The following KAZN variants were observed in gnomAD, a reference collection of about 807,000 sequenced individuals.
KAZN encodes kazrin.
In KAZN, 40 loss-of-function variants were observed where a neutral mutation model predicts 87.4. The observed-to-expected ratio is 0.46, with a 90% confidence interval of 0.36 to 0.60. KAZN has a LOEUF of 0.60. KAZN is among the 20% of genes least tolerant of loss of function. The pLI is 0.00. For synonymous variants in KAZN, 466 were observed against 458.3 expected, an observed-to-expected ratio of 1.02 and a Z score of -0.22; for missense variants, 898 against 1,073.9, an observed-to-expected ratio of 0.84 and a Z score of 2.29.
At chr1:14,465,099 G>A (rs1047065098) in intron 2 of KAZN, among the ~76,000 whole-genome samples, 3 of 151,978 alleles carry the variant, frequency 2.0e-5, no homozygotes, top group African/African-American at 4.8e-5. Context: ...GGCACGGATG[G>A]TCCAAGACAG....
chr1:14,603,775 A>G (rs1433023905), intron 1 of KAZN, among the ~76,000 whole-genome samples: 1 of 152,082 alleles, frequency 6.6e-6, no homozygotes, highest in Non-Finnish European at 1.5e-5. Context: ...GGCACTTTTT[A>G]GGAATCCTAT....
intron 2 of KAZN, among the ~76,000 whole-genome samples, chr1:14,428,549 T>G (rs1665871294): frequency 6.6e-6 from 1 of 152,216 alleles, no homozygotes; most frequent in African/African-American, 2.4e-5. Flanking sequence ...ATTATATGTA[T>G]TAGTCCATTC....
At chr1:14,044,188 C>T (rs1641961198) in intron 1 of KAZN, among the ~76,000 whole-genome samples, 1 of 152,130 alleles carries the variant, frequency 6.6e-6, no homozygotes, top group Admixed American at 6.5e-5. Context: ...CCCACCAATA[C>T]TGTGTTTCTG....
At chr1:14,123,812 C>T (rs1199876054) in intron 1 of KAZN, among the ~76,000 whole-genome samples, 1 of 152,096 alleles carries the variant, frequency 6.6e-6, no homozygotes, top group East Asian at 1.9e-4. Context: ...GTCAAACACA[C>T]ACCCCTGGTC....
At chr1:14,547,186 A>G (rs1289041896) in intron 2 of KAZN, among the ~76,000 whole-genome samples, 1 of 152,154 alleles carries the variant, frequency 6.6e-6, no homozygotes, top group Non-Finnish European at 1.5e-5. Context: ...GAATAGAATG[A>G]CATTTTTTTT....
intron 1 of KAZN, among the ~76,000 whole-genome samples, chr1:13,963,452 G>C (rs16853276): frequency 0.028 from 4,219 of 152,210 alleles, 187 homozygotes; most frequent in African/African-American, 0.096. Flanking sequence ...TCCTCACATG[G>C]ATAGTGATTC....
intron 2 of KAZN, among the ~76,000 whole-genome samples, chr1:14,214,883 C>T (rs1487457684): frequency 6.6e-6 from 1 of 152,318 alleles, no homozygotes; most frequent in East Asian, 1.9e-4. Flanking sequence ...GACACAGCCC[C>T]TATCCTCAAG....
chr1:14,082,081 G>A (rs1376522172), intron 1 of KAZN, among the ~76,000 whole-genome samples: 1 of 152,090 alleles, frequency 6.6e-6, no homozygotes, highest in African/African-American at 2.4e-5. Flanking sequence ...AGCCCACTCT[G>A]TTCCTTCTAG....
At chr1:14,021,160 C>T (rs530406844) in intron 1 of KAZN, among the ~76,000 whole-genome samples, 5 of 152,324 alleles carry the variant, frequency 3.3e-5, no homozygotes, top group African/African-American at 9.6e-5. Context: ...TGCTTAGCAG[C>T]ATCCTTGGCC....
chr1:14,851,608 A>AG (rs1649452682), intron 1 of KAZN, among the ~76,000 whole-genome samples: 1 of 152,188 alleles, frequency 6.6e-6, no homozygotes, highest in Admixed American at 6.5e-5. Context: ...GCTAGGAGTG[A>AG]GGCCTTCGGG....
In KAZN at chr1:14,628,526, A is replaced by G. The variant is rs566345637; in HGVS notation, c.226+29303A>G. ...GAGACATGAAATGCTTCAAATGTCA[A>G]AAGAGTTTTCATTTATTGTCCCAAG... On this transcript the variant is annotated intron_variant, in intron 1 of 14. Transcript: ENST00000376030. Among the ~76,000 whole-genome samples the G allele has an allele frequency of 5.2e-4, 80 of 152,382 alleles. 2 individuals are homozygous for G. In the South Asian group the frequency reaches 0.016, roughly 31 times the overall value.
chr1:14,982,669 C>G (rs1666378450), intron 2 of KAZN, among the ~76,000 whole-genome samples: 1 of 152,144 alleles, frequency 6.6e-6, no homozygotes, highest in Non-Finnish European at 1.5e-5. Context: ...TTGTAATCCA[C>G]TCACCTTGGC....
chr1:14,568,673 G>A (rs1674680853), intron 2 of KAZN, among the ~76,000 whole-genome samples: 1 of 152,140 alleles, frequency 6.6e-6, no homozygotes, highest in Non-Finnish European at 1.5e-5. Context: ...TTTGGGTGGG[G>A]ACACAGAGCC....
At chr1:14,344,422 GTTTC>G (rs1172385314) in intron 2 of KAZN, among the ~76,000 whole-genome samples, 1 of 151,674 alleles carries the variant, frequency 6.6e-6, no homozygotes, top group African/African-American at 2.4e-5. Context: ...AATTCCATCT[GTTTC>G]TTTTTTCCTT....
chr1:14,203,128 A>G (rs1295895356), intron 2 of KAZN, among the ~76,000 whole-genome samples: 2 of 152,072 alleles, frequency 1.3e-5, no homozygotes, highest in African/African-American at 4.8e-5. Context: ...AATAATAAGA[A>G]GCCTATCGTG....
chr1:14,823,425 T>A (rs577884405), intron 1 of KAZN, among the ~76,000 whole-genome samples: 2 of 150,972 alleles, frequency 1.3e-5, no homozygotes, highest in East Asian at 3.9e-4. Flanking sequence ...TTGAAGAGAG[T>A]AGATACAGAG....
chr1:14,753,312 A>T lies in KAZN; in HGVS notation c.226+154089A>T, dbSNP rs184131287. On this transcript the variant is annotated intron_variant, in intron 1 of 14. Transcript: ENST00000376030. The stretch of plus-strand genomic sequence containing the variant: ...GTTCTTTAGTGAGCACCTCCTGTTT[A>T]TGAGGAGAAACTAGGTTTACAAATG... Among the ~76,000 whole-genome samples the T allele has an allele frequency of 7.2e-3, 1,104 of 152,312 alleles. 3 individuals carry two copies. Among genetic ancestry groups the T allele is most frequent in the Non-Finnish European group, 0.012 (846 of 68,020 alleles).
At chr1:14,303,049 A>C (rs1654667681) in intron 2 of KAZN, among the ~76,000 whole-genome samples, 1 of 152,100 alleles carries the variant, frequency 6.6e-6, no homozygotes, top group Admixed American at 6.6e-5. Flanking sequence ...TAGCTCTTGA[A>C]GGTACATTTT....
At chr1:14,575,440 A>C (rs1675120781) in intron 2 of KAZN, among the ~76,000 whole-genome samples, 1 of 152,116 alleles carries the variant, frequency 6.6e-6, no homozygotes, top group Admixed American at 6.5e-5. Flanking sequence ...ATCTCATGAG[A>C]CTTATTCACT....
Sources: gnomAD v4.1 joint callset for allele counts (sites outside exome capture counted in the v4.1 genomes callset) on GRCh38, gnomAD v4.1.1 for gene constraint, MANE v1.5 for transcripts, NCBI Gene and HGNC (gene_info 2026-07-23, HGNC 2026-07-21) for gene names.